The following SEC23A variants were observed in gnomAD, a reference collection of about 807,000 sequenced individuals.
SEC23A encodes the protein protein transport protein Sec23A.
Under a neutral mutation model 103.7 loss-of-function variants are expected in SEC23A, and 56 were observed. The ratio of observed to expected loss-of-function variants is 0.54; its 90% CI spans 0.44 to 0.67. The LOEUF is 0.67. Ranked by LOEUF, SEC23A falls within the 30% of genes least tolerant of loss-of-function variation. The pLI is 0.00. For missense variants in SEC23A, 784 were observed against 936.4 expected, an observed-to-expected ratio of 0.84 and a Z score of 2.12; for synonymous variants, 281 against 293.0, an observed-to-expected ratio of 0.96 and a Z score of 0.42.
chr14:39,102,069 T>C (rs968343503), intron 1 of SEC23A, among the ~76,000 whole-genome samples: 1 of 152,104 alleles, frequency 6.6e-6, no homozygotes, highest in Non-Finnish European at 1.5e-5. Context: ...CCGTCTCTAC[T>C]AAAGATACAA....
intron 14 of SEC23A, among the ~76,000 whole-genome samples, chr14:39,054,831 C>T (rs996345706): frequency 5.3e-5 from 8 of 152,184 alleles, no homozygotes; most frequent in Middle Eastern, 3.4e-3. Context: ...TGTAAAAAAG[C>T]ACTAAAAATT....
At chr14:39,076,999 G>A (rs1002864743) in intron 7 of SEC23A, among the ~76,000 whole-genome samples, 1 of 151,824 alleles carries the variant, frequency 6.6e-6, no homozygotes, top group Admixed American at 6.6e-5. Context: ...GGCTGAGGTG[G>A]GTGGATCACC....
chr14:39,042,670 A>G, intron 17 of SEC23A, 116 bp downstream of exon 17: 3 of 695,512 alleles, frequency 4.3e-6, no homozygotes, highest in Non-Finnish European at 7.6e-6. Flanking sequence ...TATTTTATAA[A>G]AATGGAAATC....
In SEC23A at chr14:39,074,924, G is replaced by A. The variant is rs552516830; in HGVS notation, c.988-394C>T. On this transcript the variant is annotated intron_variant, in intron 8 of 19. Transcript: ENST00000307712. ...AGATCGAGACCATCCTGGCAAACACGGTGAAACCCCGTCTCTACTAAAAAT... is the reference window on the plus strand; with the variant it reads ...AGATCGAGACCATCCTGGCAAACACAGTGAAACCCCGTCTCTACTAAAAAT... Among the ~76,000 whole-genome samples, 9 of 152,160 alleles carry A rather than the reference G, an allele frequency of 5.9e-5. No individual in the cohort carries two copies. The South Asian group carries it at 1.7e-3, about 28-fold the overall frequency.
intron 2 of SEC23A, chr14:39,094,960 A>G: frequency 1.4e-6 from 1 of 696,784 alleles, no homozygotes; most frequent in Admixed American, 2.1e-5. Flanking sequence ...CTACTGGAAG[A>G]TGTTCATCAT....
intron 2 of SEC23A, among the ~76,000 whole-genome samples, chr14:39,094,568 T>C (rs985163266): frequency 1.3e-5 from 2 of 151,200 alleles, no homozygotes; most frequent in African/African-American, 4.9e-5. Flanking sequence ...CAGCCAAAAA[T>C]ACTTTTACAT....
intron 9 of SEC23A, among the ~76,000 whole-genome samples, chr14:39,069,441 C>T (rs967460631): frequency 6.6e-6 from 1 of 152,108 alleles, no homozygotes; most frequent in African/African-American, 2.4e-5. Flanking sequence ...TATTTCTCAA[C>T]ATCACAGGTA....
At chr14:39,101,632 A>C (rs1445587319) in intron 1 of SEC23A, among the ~76,000 whole-genome samples, 1 of 152,044 alleles carries the variant, frequency 6.6e-6, no homozygotes, top group Admixed American at 6.6e-5. Context: ...CAAAAAAAAA[A>C]AAAACAAAAA....
intron 14 of SEC23A, among the ~76,000 whole-genome samples, chr14:39,054,846 C>T (rs1028479322): frequency 1.3e-5 from 2 of 152,074 alleles, no homozygotes; most frequent in African/African-American, 4.8e-5. Flanking sequence ...AAAATTGTTA[C>T]AATAATATAG....
At chr14:39,038,532 A>T (rs1885532849) in intron 19 of SEC23A, among the ~76,000 whole-genome samples, 1 of 151,786 alleles carries the variant, frequency 6.6e-6, no homozygotes, top group African/African-American at 2.4e-5. Context: ...TTTTTAAGAG[A>T]TGGAGTCTTG....
At chr14:39,065,159 G>A (rs1025787837) in intron 10 of SEC23A, among the ~76,000 whole-genome samples, 166 bp from the exon 11 acceptor site, 1 of 152,128 alleles carries the variant, frequency 6.6e-6, no homozygotes, top group East Asian at 1.9e-4. Context: ...TATGCTCACT[G>A]TCAAATTTAA....
At chr14:39,061,352 T>C (rs1286191542) in intron 13 of SEC23A, among the ~76,000 whole-genome samples, 1 of 151,790 alleles carries the variant, frequency 6.6e-6, no homozygotes, top group African/African-American at 2.4e-5. Context: ...GCATAATAAA[T>C]GAATTAAATG....
chr14:39,091,841 G>C, intron 4 of SEC23A, 128 bp from the exon 5 acceptor site: 1 of 709,902 alleles, frequency 1.4e-6, no homozygotes, highest in Non-Finnish European at 2.5e-6. Flanking sequence ...AAATGAAACA[G>C]GTTATTTCTA....
chr14:39,061,720 G>A (rs776946356), intron 13 of SEC23A, 45 bp downstream of exon 13: 3 of 1,353,874 alleles, frequency 2.2e-6, no homozygotes, highest in South Asian at 1.2e-5. Flanking sequence ...ACACAACCCA[G>A]ATACCTGTGA....
At chr14:39,084,511 T>G (rs907540231) in intron 7 of SEC23A, among the ~76,000 whole-genome samples, 7 of 152,128 alleles carry the variant, frequency 4.6e-5, no homozygotes, top group Non-Finnish European at 1.0e-4. Flanking sequence ...GTAGATAAAA[T>G]CATACACCCA....
chr14:39,061,274 G>A (rs377304349), intron 13 of SEC23A, among the ~76,000 whole-genome samples: 2 of 151,910 alleles, frequency 1.3e-5, no homozygotes. Context: ...GGCTAAGTAC[G>A]TTCACGGCTT....
At chr14:39,090,749 C>T (rs374783311) in intron 5 of SEC23A, among the ~76,000 whole-genome samples, 4 of 152,164 alleles carry the variant, frequency 2.6e-5, no homozygotes, top group Admixed American at 2.0e-4. Flanking sequence ...GCCCTGCACT[C>T]GCCCACATCA....
At chr14:39,086,839 A>G (rs1274593165) in intron 6 of SEC23A, 90 bp downstream of exon 6, 30 of 773,472 alleles carry the variant, frequency 3.9e-5, no homozygotes, top group Non-Finnish European at 6.8e-5. Flanking sequence ...ATATTTAACA[A>G]TATAGTATCA....
At chr14:39,101,203 G>A (rs1352725012) in intron 1 of SEC23A, among the ~76,000 whole-genome samples, 1 of 152,094 alleles carries the variant, frequency 6.6e-6, no homozygotes, top group Non-Finnish European at 1.5e-5. Flanking sequence ...ACAAAGAAAT[G>A]TCCAATTTCA....
Sources: allele counts gnomAD v4.1 joint callset (sites outside exome capture counted in the v4.1 genomes callset), GRCh38; gene constraint gnomAD v4.1.1; transcripts MANE v1.5; gene names NCBI Gene and HGNC (gene_info 2026-07-23, HGNC 2026-07-21).